DNAAF9: variants seen among roughly 807,000 people sequenced by gnomAD.
The protein encoded by DNAAF9 is dynein axonemal assembly factor 9.
DNAAF9 carries 90 observed loss-of-function variants against 167.0 expected under a neutral mutation model. The observed-to-expected ratio is 0.54, with a 90% CI of 0.45 to 0.64. DNAAF9 has a LOEUF of 0.64. DNAAF9 is among the 30% of genes least tolerant of loss of function. The probability of loss-of-function intolerance (pLI) is 0.00; values close to 1 mark genes in which losing one functional copy is unlikely to be tolerated. For synonymous variants in DNAAF9, 491 were observed against 508.8 expected (o/e 0.96, Z 0.47); for missense variants, 1,315 against 1,442.2 (o/e 0.91, Z 1.43).
At chr20:3,292,650 C>T (rs1367957637) in intron 25 of DNAAF9, among the ~76,000 whole-genome samples, 2 of 151,982 alleles carry the variant, frequency 1.3e-5, no homozygotes, top group East Asian at 1.9e-4. Context: ...CCTGTAATCC[C>T]AGCTACTCAG....
intron 29 of DNAAF9, among the ~76,000 whole-genome samples, chr20:3,276,271 C>T (rs1419407309): frequency 3.3e-5 from 5 of 152,220 alleles, no homozygotes; most frequent in African/African-American, 9.6e-5. Flanking sequence ...CCTCCCCAGA[C>T]AGCCCATGCC....
At chr20:3,397,446 G>A (rs1220957546) in intron 1 of DNAAF9, among the ~76,000 whole-genome samples, 4 of 152,158 alleles carry the variant, frequency 2.6e-5, no homozygotes, top group African/African-American at 9.6e-5. Flanking sequence ...AGCCTCCCGA[G>A]TAGCTGGGAT....
At chr20:3,310,847 A>AT (rs2123016443) in intron 20 of DNAAF9, among the ~76,000 whole-genome samples, 1 of 152,336 alleles carries the variant, frequency 6.6e-6, no homozygotes, top group Non-Finnish European at 1.5e-5. Flanking sequence ...TAAAATCCTA[A>AT]TAATAACAGC....
At chr20:3,362,488 A>ATT (rs58494602) in intron 6 of DNAAF9, among the ~76,000 whole-genome samples, 4 of 149,892 alleles carry the variant, frequency 2.7e-5, no homozygotes, top group East Asian at 2.0e-4. Flanking sequence ...CACCTGTATA[A>ATT]TTTTTTTTTT....
chr20:3,252,278 G>C lies in DNAAF9; in HGVS notation c.*294C>G. The stretch of plus-strand genomic sequence containing the variant: ...TCCCCAACCTCAAGAGCCCAAAGGA[G>C]ATCCTGTTATCAGAAACCCAGAGCT... On this transcript the variant is annotated 3_prime_UTR_variant, in exon 37 of 37. Coordinates refer to ENST00000252032, the MANE Select transcript of DNAAF9 (RefSeq NM_001009984.3). 3.5e-6 allele frequency: 1 copy of C among 284,486 alleles called. No individual in the cohort carries two copies. The highest frequency in any genetic ancestry group is 6.7e-6 in the Non-Finnish European group (1 of 148,880). The allele number at this position is 284,486 out of a possible 1,614,324, so 17.6% of individuals were successfully genotyped here.
chr20:3,290,660 A>C (rs1342688756), intron 25 of DNAAF9, among the ~76,000 whole-genome samples: 1 of 152,102 alleles, frequency 6.6e-6, no homozygotes, highest in African/African-American at 2.4e-5. Context: ...GGCAGAAAGG[A>C]GGTCTGGGAC....
intron 5 of DNAAF9, among the ~76,000 whole-genome samples, chr20:3,374,536 G>A (rs1341598117): frequency 6.6e-6 from 1 of 152,068 alleles, no homozygotes; most frequent in Non-Finnish European, 1.5e-5. Flanking sequence ...CTTCCTCAAG[G>A]GAAAACTACT....
In DNAAF9 at chr20:3,289,294, ATTAG is replaced by A. The variant is rs143011678; in HGVS notation, c.2327+831_2327+834del. Among the ~76,000 whole-genome samples, 800 of 152,280 alleles carry A rather than the reference ATTAG, an allele frequency of 5.3e-3. 17 individuals are homozygous for A. The highest frequency in any genetic ancestry group is 0.039 in the Admixed American group (589 of 15,292). The stretch of plus-strand genomic sequence containing the variant: ...AAAACTTAAAGTATAATTTTAAAAA[ATTAG>A]TTAGGTGTGATGGTGCACACCTGTA... On this transcript the variant is annotated intron_variant, in intron 26 of 36. Transcript: ENST00000252032.
Position 3,287,776 on chromosome 20 carries a change from C to T in DNAAF9, c.2342G>A (p.Arg781His), listed in dbSNP as rs779904443. 2.0e-5 allele frequency: 33 copies of T among 1,614,012 alleles called. No homozygotes were observed. In the South Asian group the frequency reaches 2.5e-4, roughly 12 times the overall value. ...HKECGRWMVY[R>H]QIMDSSECFH... ...ACATTCAGAGCTGTCCATGATTTGGCGATACACCATCCATCTGGAAAGGTA... is the reference window on the plus strand; with the variant it reads ...ACATTCAGAGCTGTCCATGATTTGGTGATACACCATCCATCTGGAAAGGTA... The change falls in exon 27 of 37, where the codon CGC becomes CAC. Residue 781 changes from arginine (R) to histidine (H), a missense_variant. Arg to His is a conservative substitution (Grantham distance 29). Around this residue, in one of 2 missense-constraint regions of DNAAF9, gnomAD observed 981 missense variants for 1,012.5 expected, o/e 0.97. Transcript: ENST00000252032.
chr20:3,392,154 G>A (rs149104160), intron 1 of DNAAF9, among the ~76,000 whole-genome samples: 3 of 152,236 alleles, frequency 2.0e-5, no homozygotes, highest in Admixed American at 6.5e-5. Context: ...GTGACAGAGT[G>A]AGACTCTTAT....
At position 3,318,269 on chromosome 20, in the gene DNAAF9, T is replaced by A; in HGVS notation, c.1468+20A>T. ...AAAAAAAGGCTTAAGGTTTGCTTTC[T>A]AAAGATCACATATACTTACCCTTTT... is the stretch of plus-strand genomic sequence containing the variant. On this transcript the variant is annotated intron_variant, in intron 17 of 36. Transcript: ENST00000252032. The A allele has an allele frequency of 9.3e-7, 1 of 1,073,396 alleles. No homozygotes were observed. Among genetic ancestry groups the A allele is most frequent in the African/African-American group, 1.6e-5 (1 of 61,828 alleles). 66.5% of individuals were successfully genotyped at this position (1,073,396 alleles called of 1,614,324 possible). A position where few individuals can be genotyped will look rare whatever the true frequency, so the allele number is the denominator to read the frequency against.
chr20:3,332,495 G>A (rs555406578), intron 10 of DNAAF9, 134 bp from the exon 11 acceptor site: 52 of 513,162 alleles, frequency 1.0e-4, no homozygotes, highest in Non-Finnish European at 1.4e-4. Flanking sequence ...ACTCTGTCAT[G>A]TAGGATGGAG....
chr20:3,330,627 A>T lies in DNAAF9; in HGVS notation c.1100+19T>A, dbSNP rs780542736. 12 of 1,535,390 alleles carry T rather than the reference A, an allele frequency of 7.8e-6. No homozygotes were observed. Among genetic ancestry groups the T allele is most frequent in the Non-Finnish European group, 9.9e-6 (11 of 1,112,520 alleles). On this transcript the variant is annotated intron_variant, in intron 12 of 36. Coordinates refer to ENST00000252032, the MANE Select transcript of DNAAF9 (RefSeq NM_001009984.3). ...GTAACTCAACTTTGAGAAAGAAAAA[A>T]TAAAATATGAAGACTTACATTTGTT...
At chr20:3,295,848 C>T (rs772433156) in intron 23 of DNAAF9, 6 of 960,350 alleles carry the variant, frequency 6.2e-6, no homozygotes, top group Non-Finnish European at 1.0e-5. Flanking sequence ...GAGTTTAATC[C>T]CCAAACGACA....
intron 29 of DNAAF9, 50 bp downstream of exon 29, chr20:3,278,859 AATT>A: frequency 7.9e-7 from 1 of 1,268,498 alleles, no homozygotes; most frequent in Admixed American, 1.7e-5. Context: ...TCTATTGCTG[AATT>A]CTACTGAACT....
intron 10 of DNAAF9, 60 bp downstream of exon 10, chr20:3,340,444 A>ACCC: frequency 7.2e-6 from 1 of 138,912 alleles, no homozygotes. Context: ...CCCCCCACCC[A>ACCC]CCCCACCCCC....
chr20:3,386,474 G>A (rs1600905487), intron 1 of DNAAF9, among the ~76,000 whole-genome samples: 2 of 152,258 alleles, frequency 1.3e-5, no homozygotes, highest in East Asian at 3.9e-4. Context: ...ACAAATTAAA[G>A]CATAGATCTA....
intron 6 of DNAAF9, among the ~76,000 whole-genome samples, chr20:3,367,870 A>T (rs1333860354): frequency 6.6e-6 from 1 of 151,996 alleles, no homozygotes; most frequent in Non-Finnish European, 1.5e-5. Context: ...ATTGGAGCCA[A>T]CAGGCTTGCT....
intron 10 of DNAAF9, 47 bp downstream of exon 10, chr20:3,340,457 A>AC: frequency 7.7e-6 from 1 of 129,462 alleles, no homozygotes; most frequent in Non-Finnish European, 1.6e-5. Context: ...CCACCCCCAC[A>AC]ACTTGATAAT....
Sources: gnomAD v4.1 joint callset for allele counts (sites outside exome capture counted in the v4.1 genomes callset) on GRCh38, gnomAD v4.1.1 for gene constraint, gnomAD v4.1.1 regional missense constraint, MANE v1.5 for transcripts, NCBI Gene and HGNC (gene_info 2026-07-23, HGNC 2026-07-21) for gene names.